ARID5B: variants seen among roughly 807,000 people sequenced by gnomAD.
ARID5B encodes AT-rich interaction domain 5B.
A neutral mutation model predicts 97.2 loss-of-function variants in ARID5B; 13 were observed. The ratio of observed to expected loss-of-function variants is 0.13; its 90% CI spans 0.09 to 0.21. The LOEUF (loss-of-function observed/expected upper bound fraction) is 0.21. ARID5B is among the 10% of genes least tolerant of loss of function. The pLI, the probability that ARID5B is intolerant of heterozygous loss-of-function variation, is 1.00. For synonymous variants in ARID5B, 556 were observed against 570.3 expected (o/e 0.97, Z 0.36); for missense variants, 1,210 against 1,465.3 (o/e 0.83, Z 2.84).
At chr10:61,996,864 T>A (rs747329217) in intron 3 of ARID5B, among the ~76,000 whole-genome samples, 1 of 149,392 alleles carries the variant, frequency 6.7e-6, no homozygotes, top group Non-Finnish European at 1.5e-5. Flanking sequence ...GAAATAAGAA[T>A]TTTTTAAAAG....
intron 2 of ARID5B, among the ~76,000 whole-genome samples, chr10:61,928,161 T>A (rs907254391): frequency 1.3e-5 from 2 of 152,174 alleles, no homozygotes; most frequent in African/African-American, 4.8e-5. Flanking sequence ...CCCACCCCTC[T>A]GCGGCCCTTT....
intron 4 of ARID5B, among the ~76,000 whole-genome samples, chr10:62,030,270 T>C (rs1839479122): frequency 6.6e-6 from 1 of 151,976 alleles, no homozygotes; most frequent in African/African-American, 2.4e-5. Flanking sequence ...GCTGGGATTA[T>C]AGGCACCTGC....
At chr10:62,039,482 C>T (rs1839606756) in intron 4 of ARID5B, among the ~76,000 whole-genome samples, 2 of 152,128 alleles carry the variant, frequency 1.3e-5, no homozygotes, top group Admixed American at 1.3e-4. Flanking sequence ...CCCATTTTAC[C>T]ATGTGTGTGC....
At chr10:61,940,934 T>C (rs1231611478) in intron 3 of ARID5B, among the ~76,000 whole-genome samples, 1 of 4,056 alleles carries the variant, frequency 2.5e-4, no homozygotes, top group Non-Finnish European at 9.5e-4. Context: ...TATATATATA[T>C]ATATATATAT....
intron 2 of ARID5B, among the ~76,000 whole-genome samples, chr10:61,939,465 A>C (rs1844361387): frequency 6.6e-6 from 1 of 152,220 alleles, no homozygotes; most frequent in African/African-American, 2.4e-5. Flanking sequence ...CTTGCATTTC[A>C]ACTACTTTTC....
intron 3 of ARID5B, among the ~76,000 whole-genome samples, chr10:61,966,284 G>T (rs1838544282): frequency 6.6e-6 from 1 of 152,040 alleles, no homozygotes; most frequent in South Asian, 2.1e-4. Flanking sequence ...TTAAAAAGTG[G>T]TGAGGAGAGG....
intron 6 of ARID5B, among the ~76,000 whole-genome samples, chr10:62,058,789 A>C (rs1430510499): frequency 1.3e-5 from 2 of 152,212 alleles, no homozygotes; most frequent in Non-Finnish European, 2.9e-5. Flanking sequence ...CATTCTATTA[A>C]GAAGGTAATC....
At chr10:62,027,670 G>A (rs543398103) in intron 4 of ARID5B, among the ~76,000 whole-genome samples, 1 of 152,048 alleles carries the variant, frequency 6.6e-6, no homozygotes, top group East Asian at 1.9e-4. Context: ...CGGGCAGTAT[G>A]CACCTTTTTT....
intron 7 of ARID5B, among the ~76,000 whole-genome samples, chr10:62,065,949 A>T (rs1227488812): frequency 6.6e-6 from 1 of 151,994 alleles, no homozygotes; most frequent in African/African-American, 2.4e-5. Context: ...TATAACCAGG[A>T]GGCCTGAGGC....
At chr10:61,931,688 T>G (rs1165827385) in intron 2 of ARID5B, among the ~76,000 whole-genome samples, 1 of 152,190 alleles carries the variant, frequency 6.6e-6, no homozygotes, top group Non-Finnish European at 1.5e-5. Context: ...AACACACATT[T>G]CACCAAAAAG....
intron 3 of ARID5B, among the ~76,000 whole-genome samples, chr10:61,953,416 T>C (rs944028447): frequency 3.3e-5 from 5 of 152,190 alleles, no homozygotes; most frequent in Admixed American, 2.0e-4. Flanking sequence ...GATACAGGCT[T>C]TTCACATGTG....
At chr10:61,904,281 G>T (rs1317429858) in intron 2 of ARID5B, among the ~76,000 whole-genome samples, 1 of 152,070 alleles carries the variant, frequency 6.6e-6, no homozygotes, top group South Asian at 2.1e-4. Flanking sequence ...TTTTTTGGGG[G>T]GCGGGGAATT....
chr10:62,038,009 A>G (rs1839587168), intron 4 of ARID5B, among the ~76,000 whole-genome samples: 1 of 152,232 alleles, frequency 6.6e-6, no homozygotes, highest in Non-Finnish European at 1.5e-5. Flanking sequence ...GACACATAAA[A>G]GAGAAAAATG....
At chr10:61,957,159 C>T (rs1273973020) in intron 3 of ARID5B, among the ~76,000 whole-genome samples, 1 of 152,206 alleles carries the variant, frequency 6.6e-6, no homozygotes, top group East Asian at 1.9e-4. Flanking sequence ...AATGTGGCTA[C>T]TACAGTTGAC....
At chr10:62,062,600 CAG>C (rs980982828) in intron 7 of ARID5B, among the ~76,000 whole-genome samples, 4 of 152,060 alleles carry the variant, frequency 2.6e-5, no homozygotes, top group African/African-American at 9.7e-5. Flanking sequence ...ACTACAGAAA[CAG>C]GGTAGAATAC....
At chr10:61,973,981 G>A (rs1000622682) in intron 3 of ARID5B, among the ~76,000 whole-genome samples, 1 of 152,138 alleles carries the variant, frequency 6.6e-6, no homozygotes, top group African/African-American at 2.4e-5. Context: ...GGACTTTTGC[G>A]ATGTATATAC....
intron 3 of ARID5B, among the ~76,000 whole-genome samples, chr10:61,971,780 C>A (rs1383629027): frequency 2.6e-5 from 4 of 152,104 alleles, no homozygotes; most frequent in Non-Finnish European, 4.4e-5. Flanking sequence ...GGCATGTAAA[C>A]CTAAATTGAA....
At chr10:61,946,731 GACA>G (rs1409486808) in intron 3 of ARID5B, among the ~76,000 whole-genome samples, 2 of 152,116 alleles carry the variant, frequency 1.3e-5, no homozygotes, top group Admixed American at 6.6e-5. Flanking sequence ...GATCAGCCTG[GACA>G]ACATAGTGAA....
chr10:62,002,857 A>T (rs1377611871), intron 4 of ARID5B, among the ~76,000 whole-genome samples: 1 of 152,170 alleles, frequency 6.6e-6, no homozygotes, highest in Non-Finnish European at 1.5e-5. Context: ...ATTCTGTACC[A>T]CACGTTTGGT....
Sources: allele counts gnomAD v4.1 joint callset (sites outside exome capture counted in the v4.1 genomes callset), GRCh38; gene constraint gnomAD v4.1.1; transcripts MANE v1.5; gene names NCBI Gene and HGNC (gene_info 2026-07-23, HGNC 2026-07-21).